Variants in VARS2 observed in about 807,000 individuals in gnomAD.
The protein encoded by VARS2 is valyl-tRNA synthetase 2, mitochondrial.
A neutral mutation model predicts 154.1 loss-of-function variants in VARS2; 105 were observed. The ratio of observed to expected loss-of-function variants is 0.68; its 90% CI spans 0.58 to 0.80. VARS2 has a LOEUF of 0.80. Among genes scored for constraint, VARS2 ranks in the 30% least tolerant of loss-of-function variants. The pLI is 0.00. For missense variants in VARS2, 1,157 were observed against 1,361.4 expected (o/e 0.85, Z 2.36); for synonymous variants, 483 against 539.5 (o/e 0.90, Z 1.45).
chr6:30,916,791 C>T lies in VARS2; in HGVS notation c.672-87C>T, dbSNP rs1202153081. ...CCATCCTCACTTGATTTTCCTCCAACACCTGGCATTGCTGGGGGCATCGCT... is the reference window on the plus strand; with the variant it reads ...CCATCCTCACTTGATTTTCCTCCAATACCTGGCATTGCTGGGGGCATCGCT... On this transcript the variant is annotated intron_variant, in intron 7 of 29. Coordinates refer to ENST00000676266, the MANE Select transcript of VARS2 (RefSeq NM_020442.6). The surrounding 1 kb of genome is among the most constrained non-coding windows in gnomAD (Gnocchi z 4.0). 2 of 1,348,350 alleles carry T rather than the reference C, an allele frequency of 1.5e-6. No homozygotes were observed. Among genetic ancestry groups the T allele is most frequent in the African/African-American group, 2.9e-5 (2 of 69,728 alleles). The allele number at this position is 1,348,350 out of a possible 1,614,324, so 83.5% of individuals were successfully genotyped here.
rs1035053624 is a variant in VARS2, at chr6:30,921,038, A to G, written c.1480-27A>G. The G allele has an allele frequency of 1.3e-6, 2 of 1,594,274 alleles. No individual in the cohort carries two copies. Among genetic ancestry groups the G allele is most frequent in the Non-Finnish European group, 8.5e-7 (1 of 1,170,064 alleles). On this transcript the variant is annotated intron_variant, in intron 15 of 29. Coordinates refer to ENST00000676266, the MANE Select transcript of VARS2 (RefSeq NM_020442.6). This position sits in a 1 kb window ranked among gnomAD's most constrained non-coding sequence, Gnocchi z 4.6. ...GGTGCGGCCGTGCAGGAAGGGCAAC[A>G]TTGTCTAAAGTCCCCTTTCTCTCCA...
chr6:30,926,459 A>G lies in VARS2; in HGVS notation c.*249A>G. 1 of 568,978 alleles carries G rather than the reference A, an allele frequency of 1.8e-6. No individual in the cohort carries two copies. Among genetic ancestry groups the G allele is most frequent in the East Asian group, 2.9e-5 (1 of 34,236 alleles). The allele number at this position is 568,978 out of a possible 1,614,324, so 35.2% of individuals were successfully genotyped here. A position where few individuals can be genotyped will look rare whatever the true frequency, so the allele number is the denominator to read the frequency against. On this transcript the variant is annotated 3_prime_UTR_variant, in exon 30 of 30. Transcript: ENST00000676266. The stretch of plus-strand genomic sequence containing the variant: ...TTGAGATAAACTTTTGAAATCCCAA[A>G]CATGTCTGTTTATGGCTCTTTGGTC...
In VARS2 at chr6:30,915,985, C is replaced by T. The variant is rs139515727; in HGVS notation, c.511C>T (p.Arg171Trp). The T allele has an allele frequency of 2.4e-5, 39 of 1,613,864 alleles. No homozygotes were observed. In the African/African-American group the frequency reaches 3.9e-4, roughly 16 times the overall value. Residue 171 changes from arginine (R) to tryptophan (W), a missense_variant, in exon 6 of 30, where the codon CGG becomes TGG. Arg to Trp is a moderately radical substitution (Grantham distance 101, BLOSUM62 -3). Coordinates refer to ENST00000676266, the MANE Select transcript of VARS2 (RefSeq NM_020442.6). Reference sequence around the variant, plus strand: ...AGGAGGGCATTTTTGTTGCAGGCACCGGATGCGTGGGGATCAAGTGCTGTG... The same window carrying T: ...AGGAGGGCATTTTTGTTGCAGGCACTGGATGCGTGGGGATCAAGTGCTGTG... ...AIQDALVRWH[R>W]MRGDQVLWVP...
Position 30,919,903 on chromosome 6 carries a change from G to A in VARS2, c.1165+55G>A. On this transcript the variant is annotated intron_variant, in intron 12 of 29. Coordinates refer to ENST00000676266, the MANE Select transcript of VARS2 (RefSeq NM_020442.6). The surrounding 1 kb of genome is among the most constrained non-coding windows in gnomAD (Gnocchi z 4.5). ...GTTGGGGGTCCTGGAGGAGAGGGGA[G>A]GGAACCAGGAGGAAGAGGAAGGTGG... 1 of 1,508,582 alleles carries A rather than the reference G, an allele frequency of 6.6e-7. No homozygotes were observed. The highest frequency in any genetic ancestry group is 8.9e-7 in the Non-Finnish European group (1 of 1,121,976). The allele number at this position is 1,508,582 out of a possible 1,614,324, so 93.4% of individuals were successfully genotyped here.
Position 30,920,710 on chromosome 6 carries a change from G to T in VARS2, c.1440G>T (p.Trp480Cys). 6.2e-7 allele frequency: 1 copy of T among 1,602,408 alleles called. No homozygotes were observed. The highest frequency in any genetic ancestry group is 8.5e-7 in the Non-Finnish European group (1 of 1,175,012). ...DVIEYLLKNQ[W>C]FVRCQEMGAR... ...TAGAATACCTGCTGAAGAACCAGTG[G>T]TTTGTCCGCTGCCAGGAAATGGGGG... The change falls in exon 15 of 30, where the codon TGG becomes TGT. Residue 480 changes from tryptophan to cysteine, a missense_variant. Coordinates refer to ENST00000676266, the MANE Select transcript of VARS2 (RefSeq NM_020442.6). This position sits in a 1 kb window ranked among gnomAD's most constrained non-coding sequence, Gnocchi z 4.6.
Position 30,916,263 on chromosome 6 carries a change from G to A in VARS2, c.671+14G>A. On this transcript the variant is annotated intron_variant, in intron 7 of 29. Transcript: ENST00000676266. The surrounding 1 kb of genome is among the most constrained non-coding windows in gnomAD (Gnocchi z 4.0). The stretch of plus-strand genomic sequence containing the variant: ...GTGGAAGGAGGCGTGAGTATGATGG[G>A]CAGGACTCGGGGGGCCCAGATGGCA... 6.2e-7 allele frequency: 1 copy of A among 1,604,972 alleles called. No homozygotes were observed. The highest frequency in any genetic ancestry group is 8.5e-7 in the Non-Finnish European group (1 of 1,174,354).
In VARS2 at chr6:30,926,092, C is replaced by G. The variant is rs749861625; in HGVS notation, c.3091-17C>G. On this transcript the variant is annotated splice_polypyrimidine_tract_variant and intron_variant, in intron 29 of 29. Coordinates refer to ENST00000676266, the MANE Select transcript of VARS2 (RefSeq NM_020442.6). Reference sequence around the variant, plus strand: ...GGCCTCATTCCTGGATCCTCACCTCCTTTTCTCCTCGTCCAGCTTTCTTCC... The same window carrying G: ...GGCCTCATTCCTGGATCCTCACCTCGTTTTCTCCTCGTCCAGCTTTCTTCC... The G allele has an allele frequency of 6.2e-7, 1 of 1,613,088 alleles. No homozygotes were observed. Among genetic ancestry groups the G allele is most frequent in the South Asian group, 1.1e-5 (1 of 91,088 alleles).
chr6:30,916,582 G>C lies in VARS2; in HGVS notation c.672-296G>C. ...CCATTCCCACCTTTCAATTCCCATG[G>C]AATTACCCTCATTCTTCTGGGTCTG... is the stretch of plus-strand genomic sequence containing the variant. On this transcript the variant is annotated intron_variant, in intron 7 of 29. Transcript: ENST00000676266. This position sits in a 1 kb window ranked among gnomAD's most constrained non-coding sequence, Gnocchi z 4.0. The C allele has an allele frequency of 2.1e-6, 1 of 466,574 alleles. No individual in the cohort carries two copies. Among genetic ancestry groups the C allele is most frequent in the South Asian group, 4.0e-5 (1 of 25,268 alleles). The allele number at this position is 466,574 out of a possible 1,614,324, so 28.9% of individuals were successfully genotyped here. A position where few individuals can be genotyped will look rare whatever the true frequency, so the allele number is the denominator to read the frequency against.
chr6:30,917,932 C>G lies in VARS2; in HGVS notation c.985+126C>G. The G allele has an allele frequency of 1.0e-6, 1 of 961,996 alleles. No homozygotes were observed. Among genetic ancestry groups the G allele is most frequent in the Non-Finnish European group, 1.6e-6 (1 of 635,164 alleles). 59.6% of individuals were successfully genotyped at this position (961,996 alleles called of 1,614,324 possible). ...TGTACCTTGGTAGTGTTCACCTCAG[C>G]GTGGGCACTTACCCAGGGTCTTCTG... On this transcript the variant is annotated intron_variant, in intron 10 of 29. Transcript: ENST00000676266. The surrounding 1 kb of genome is among the most constrained non-coding windows in gnomAD (Gnocchi z 4.4).
rs2150558860 is a variant in VARS2, at chr6:30,920,012, T to TGCAGGTGATGGGGCGGG, written c.1166-67_1166-66insGGGCGGGGCAGGTGATG. 6.7e-7 allele frequency: 1 copy of TGCAGGTGATGGGGCGGG among 1,502,964 alleles called. No homozygotes were observed. The highest frequency in any genetic ancestry group is 8.9e-7 in the Non-Finnish European group (1 of 1,125,656). 93.1% of individuals were successfully genotyped at this position (1,502,964 alleles called of 1,614,324 possible). On this transcript the variant is annotated intron_variant, in intron 12 of 29. Coordinates refer to ENST00000676266, the MANE Select transcript of VARS2 (RefSeq NM_020442.6). The surrounding 1 kb of genome is among the most constrained non-coding windows in gnomAD (Gnocchi z 4.6). ...GAGAAAGTCGCAGGGGCTGGGGCGG[T>TGCAGGTGATGGGGCGGG]GCAGGTGATGATGATACATCTGGAA...
chr6:30,925,538 T>A lies in VARS2; in HGVS notation c.2786-6T>A, dbSNP rs200168128. 10 of 1,574,232 alleles carry A rather than the reference T, an allele frequency of 6.4e-6. No homozygotes were observed. The highest frequency in any genetic ancestry group is 8.6e-6 in the Non-Finnish European group (10 of 1,164,292). On this transcript the variant is annotated splice_polypyrimidine_tract_variant and splice_region_variant and intron_variant, in intron 27 of 29. Coordinates refer to ENST00000676266, the MANE Select transcript of VARS2 (RefSeq NM_020442.6). Reference sequence around the variant, plus strand: ...GCCTTGCCCCTGACAGTTTCTTTCTTTCCAGTGCTGCTGCAGAGCTCAGAG... The same window carrying A: ...GCCTTGCCCCTGACAGTTTCTTTCTATCCAGTGCTGCTGCAGAGCTCAGAG...
chr6:30,914,279 C>T lies in VARS2; in HGVS notation c.-93C>T, dbSNP rs1793989211. On this transcript the variant is annotated 5_prime_UTR_variant, in exon 1 of 30. Transcript: ENST00000676266. The stretch of plus-strand genomic sequence containing the variant: ...CGGCTCCAGGGCCACGTTCCAGGGT[C>T]GGGTTTGGTGGATTCCTCAGTCCCT... 2.2e-6 allele frequency: 2 copies of T among 929,990 alleles called. No individual in the cohort carries two copies. Among genetic ancestry groups the T allele is most frequent in the South Asian group, 4.9e-5 (1 of 20,364 alleles). The allele number at this position is 929,990 out of a possible 1,614,324, so 57.6% of individuals were successfully genotyped here. A position where few individuals can be genotyped will look rare whatever the true frequency, so the allele number is the denominator to read the frequency against.
chr6:30,923,480 T>C lies in VARS2; in HGVS notation c.2441T>C (p.Leu814Pro), dbSNP rs1794664428. 1 of 1,611,650 alleles carries C rather than the reference T, an allele frequency of 6.2e-7. No homozygotes were observed. The highest frequency in any genetic ancestry group is 8.5e-7 in the Non-Finnish European group (1 of 1,179,866). The change falls in exon 25 of 30, where the codon CTT (leucine) becomes CCT (proline). Residue 814 changes from leucine (L) to proline (P), a missense_variant. By Grantham distance (98) the Leu-to-Pro change is moderately conservative (BLOSUM62 -3). Transcript: ENST00000676266. ...ACTCATGCCCTGCACCACTTCTGGC[T>C]TCACAACCTCTGTGACGTCTACCTG... ...LVTHALHHFW[L>P]HNLCDVYLEA...
rs772615126 is a variant in VARS2 at position 30,922,112 on chromosome 6, C to G, written c.1807-4C>G. Reference sequence around the variant, plus strand: ...GGGCCTCTTACTGCTCCTCTTCCCCCTAGACCCCAGACCTTGCTCGTTTCT... The same window carrying G: ...GGGCCTCTTACTGCTCCTCTTCCCCGTAGACCCCAGACCTTGCTCGTTTCT... On this transcript the variant is annotated splice_polypyrimidine_tract_variant and splice_region_variant and intron_variant, in intron 19 of 29. Coordinates refer to ENST00000676266, the MANE Select transcript of VARS2 (RefSeq NM_020442.6). The G allele has an allele frequency of 1.2e-6, 2 of 1,612,638 alleles. No homozygotes were observed. Among genetic ancestry groups the G allele is most frequent in the Non-Finnish European group, 1.7e-6 (2 of 1,179,812 alleles).
rs2517468 is a variant in VARS2, at chr6:30,920,392, G to A, written c.1353G>A (p.Leu451=). The A allele has an allele frequency of 0.33, 536,688 of 1,610,286 alleles. 93,287 individuals carry two copies. Among genetic ancestry groups the A allele is most frequent in the Non-Finnish European group, 0.36 (421,395 of 1,177,842 alleles). ...TGTCTGTGCTGAGTGAATGGGGCCT[G>A]TTCCGGGGCCTCCAGAACCACCCCA... The part of the protein sequence containing the change: ...KIMSVLSEWG[L]FRGLQNHPMV... Residue 451 remains leucine, a synonymous_variant, in exon 14 of 30, where the codon CTG becomes CTA. Transcript: ENST00000676266. The surrounding 1 kb of genome is among the most constrained non-coding windows in gnomAD (Gnocchi z 4.6).
chr6:30,922,373 C>G (rs865980284), intron 20 of VARS2, 77 bp from the exon 21 acceptor site: 2 of 1,605,260 alleles, frequency 1.2e-6, no homozygotes, highest in Non-Finnish European at 1.7e-6. Context: ...CCTACCCTAC[C>G]CCCAAAAGTA....
At position 30,916,503 on chromosome 6, in the gene VARS2, T is replaced by C. The variant is rs1451245421; in HGVS notation, c.671+254T>C. On this transcript the variant is annotated intron_variant, in intron 7 of 29. Coordinates refer to ENST00000676266, the MANE Select transcript of VARS2 (RefSeq NM_020442.6). The surrounding 1 kb of genome is among the most constrained non-coding windows in gnomAD (Gnocchi z 4.0). ...ATTTATATATATATATATATTTTCT[T>C]TCTCTTTACTTACCCCAATTTCTCT... 6.3e-6 allele frequency: 2 copies of C among 318,956 alleles called. No homozygotes were observed. The highest frequency in any genetic ancestry group is 1.1e-5 in the Non-Finnish European group (2 of 181,926). The allele number at this position is 318,956 out of a possible 1,614,324, so 19.8% of individuals were successfully genotyped here.
rs200084004 is a variant in VARS2, at chr6:30,916,482, A to G, written c.671+233A>G. ...TGTGTGTGTGTGTGTGTGTGTATTT[A>G]TATATATATATATATTTTCTTTCTC... On this transcript the variant is annotated intron_variant, in intron 7 of 29. Transcript: ENST00000676266. This position sits in a 1 kb window ranked among gnomAD's most constrained non-coding sequence, Gnocchi z 4.0. 13 of 246,028 alleles carry G rather than the reference A, an allele frequency of 5.3e-5. No individual in the cohort carries two copies. The East Asian group carries it at 8.3e-4, about 16-fold the overall frequency. 15.2% of individuals were successfully genotyped at this position (246,028 alleles called of 1,614,324 possible).
In VARS2 at chr6:30,919,926, T is replaced by A; in HGVS notation, c.1165+78T>A. On this transcript the variant is annotated intron_variant, in intron 12 of 29. Transcript: ENST00000676266. The surrounding 1 kb of genome is among the most constrained non-coding windows in gnomAD (Gnocchi z 4.5). ...GAGGGAACCAGGAGGAAGAGGAAGGTGGGAGTGGGAGATCCTCATATAGGG... is the reference window on the plus strand; with the variant it reads ...GAGGGAACCAGGAGGAAGAGGAAGGAGGGAGTGGGAGATCCTCATATAGGG... 1 of 1,472,864 alleles carries A rather than the reference T, an allele frequency of 6.8e-7. No homozygotes were observed. The highest frequency in any genetic ancestry group is 1.4e-5 in the South Asian group (1 of 71,446). 91.2% of individuals were successfully genotyped at this position (1,472,864 alleles called of 1,614,324 possible).
Sources: gnomAD v4.1 joint callset for allele counts on GRCh38, gnomAD v4.1.1 for gene constraint, Gnocchi (gnomAD v3.1) non-coding constraint, MANE v1.5 for transcripts, NCBI Gene and HGNC (gene_info 2026-07-23, HGNC 2026-07-21) for gene names.